The following DYM variants were observed in gnomAD, a reference collection of about 807,000 sequenced individuals.
The protein encoded by DYM is dymeclin, also known as dyggve-Melchior-Clausen syndrome protein.
DYM carries 78 observed loss-of-function variants against 93.1 expected under a neutral mutation model. The ratio of observed to expected loss-of-function variants is 0.84; its 90% CI spans 0.70 to 1.01. The LOEUF (loss-of-function observed/expected upper bound fraction) is 1.01. DYM is among the 50% of genes least tolerant of loss of function. DYM has a pLI of 0.00. For synonymous variants in DYM, 321 were observed against 319.7 expected (o/e 1.00, Z -0.04); for missense variants, 789 against 845.0 (o/e 0.93, Z 0.82).
chr18:49,375,250 T>A (rs1455034203), intron 5 of DYM, among the ~76,000 whole-genome samples: 1 of 147,674 alleles, frequency 6.8e-6, no homozygotes. Flanking sequence ...ACCTTGGGCT[T>A]TAGAAGAAAA....
chr18:49,080,922 C>G (rs946920061), intron 17 of DYM, among the ~76,000 whole-genome samples: 2 of 148,460 alleles, frequency 1.3e-5, no homozygotes, highest in Non-Finnish European at 1.5e-5. Flanking sequence ...CGAGCAGAGA[C>G]GCTCCTCACT....
At chr18:49,286,028 TTC>T (rs2059640561) in intron 9 of DYM, among the ~76,000 whole-genome samples, 1 of 152,194 alleles carries the variant, frequency 6.6e-6, no homozygotes, top group Non-Finnish European at 1.5e-5. Context: ...GAAAAAGGTT[TTC>T]TGATTTGTGT....
At chr18:49,155,826 CTT>C (rs1441408003) in intron 15 of DYM, among the ~76,000 whole-genome samples, 1 of 152,206 alleles carries the variant, frequency 6.6e-6, no homozygotes, top group Non-Finnish European at 1.5e-5. Context: ...CTGATGGACA[CTT>C]CAGTTGTTTC....
intron 15 of DYM, among the ~76,000 whole-genome samples, chr18:49,146,314 T>C (rs1410708036): frequency 6.6e-6 from 1 of 152,194 alleles, no homozygotes; most frequent in East Asian, 1.9e-4. Flanking sequence ...TCACCACTCC[T>C]ATTCAACACA....
chr18:49,166,582 T>C (rs2087902752), intron 14 of DYM, among the ~76,000 whole-genome samples: 1 of 151,514 alleles, frequency 6.6e-6, no homozygotes, highest in South Asian at 2.1e-4. Context: ...TTCGAGTATG[T>C]AAATTATTTT....
intron 14 of DYM, among the ~76,000 whole-genome samples, chr18:49,194,061 G>C (rs2091219867): frequency 6.6e-6 from 1 of 152,112 alleles, no homozygotes; most frequent in Non-Finnish European, 1.5e-5. Flanking sequence ...GCATGGAGTG[G>C]GTGGAATCAC....
chr18:49,269,439 C>T (rs2094634592), intron 11 of DYM, among the ~76,000 whole-genome samples: 1 of 152,176 alleles, frequency 6.6e-6, no homozygotes, highest in Non-Finnish European at 1.5e-5. Context: ...AGTGTATCAT[C>T]TCACAATTCC....
intron 9 of DYM, among the ~76,000 whole-genome samples, chr18:49,282,820 A>G (rs1245340437): frequency 6.6e-6 from 1 of 152,214 alleles, no homozygotes; most frequent in African/African-American, 2.4e-5. Context: ...TACCAAAACT[A>G]AATAACCATG....
intron 8 of DYM, among the ~76,000 whole-genome samples, chr18:49,296,070 T>C (rs1192746896): frequency 2.6e-5 from 4 of 152,080 alleles, no homozygotes; most frequent in African/African-American, 9.7e-5. Flanking sequence ...TAGTAGTGGG[T>C]GGCAGGTGCC....
intron 15 of DYM, among the ~76,000 whole-genome samples, chr18:49,142,725 A>C (rs1311519565): frequency 6.6e-6 from 1 of 152,148 alleles, no homozygotes; most frequent in Non-Finnish European, 1.5e-5. Flanking sequence ...TTTTGGTATA[A>C]AATTTTCAAG....
At chr18:49,322,574 C>T (rs2062572381) in intron 8 of DYM, among the ~76,000 whole-genome samples, 1 of 151,868 alleles carries the variant, frequency 6.6e-6, no homozygotes. Flanking sequence ...TTTCTTTCAT[C>T]ATCTACCTGA....
chr18:49,436,886 CTT>C (rs954738290), intron 1 of DYM, among the ~76,000 whole-genome samples: 5 of 152,210 alleles, frequency 3.3e-5, no homozygotes, highest in Non-Finnish European at 4.4e-5. Flanking sequence ...CAGTATCTTA[CTT>C]TTTTTGTGTG....
chr18:49,379,908 A>C (rs1404655076), intron 3 of DYM, 150 bp from the exon 4 acceptor site: 1 of 658,438 alleles, frequency 1.5e-6, no homozygotes, highest in Non-Finnish European at 2.7e-6. Flanking sequence ...AGAACTAAGC[A>C]ATGAGAGAAA....
At chr18:49,356,072 T>A (rs1312108339) in intron 6 of DYM, among the ~76,000 whole-genome samples, 1 of 152,132 alleles carries the variant, frequency 6.6e-6, no homozygotes, top group Non-Finnish European at 1.5e-5. Flanking sequence ...CAGAAAATAT[T>A]CAAATGTAAT....
intron 8 of DYM, among the ~76,000 whole-genome samples, chr18:49,287,799 C>T (rs970547518): frequency 3.1e-5 from 4 of 128,094 alleles, no homozygotes; most frequent in Non-Finnish European, 4.6e-5. Context: ...GAGCTGAGAT[C>T]GCGCCACAAC....
intron 16 of DYM, among the ~76,000 whole-genome samples, chr18:49,106,458 T>C (rs938484531): frequency 3.9e-5 from 6 of 152,260 alleles, no homozygotes; most frequent in East Asian, 3.9e-4. Context: ...ATGATGTTAG[T>C]TGGTTATTTT....
At chr18:49,280,438 G>A (rs1308131483) in intron 10 of DYM, among the ~76,000 whole-genome samples, 5 of 152,114 alleles carry the variant, frequency 3.3e-5, no homozygotes, top group Non-Finnish European at 7.3e-5. Flanking sequence ...TTCTCATCAG[G>A]AATATTCTGC....
chr18:49,101,544 G>A (rs1306042385), intron 16 of DYM, among the ~76,000 whole-genome samples: 1 of 152,134 alleles, frequency 6.6e-6, no homozygotes, highest in Non-Finnish European at 1.5e-5. Flanking sequence ...CTTTTCTGGA[G>A]TAGAGGAGAA....
chr18:49,126,433 G>A lies in DYM; in HGVS notation c.1729-7507C>T, dbSNP rs115626461. ...CTTCAACTTGCTACTATGATTAGAT[G>A]TCTGGTTCAGACATCCTTGGTAATA... On this transcript the variant is annotated intron_variant, in intron 15 of 17. Transcript: ENST00000675505. 2.6e-3 allele frequency: 398 copies of A among 152,262 alleles called. 2 individuals carry two copies. The highest frequency in any genetic ancestry group is 9.1e-3 in the African/African-American group (376 of 41,532). The allele number at this position is 152,262 out of a possible 1,614,324, so 9.4% of individuals were successfully genotyped here.
Sources: allele counts gnomAD v4.1 joint callset (sites outside exome capture counted in the v4.1 genomes callset), GRCh38; gene constraint gnomAD v4.1.1; transcripts MANE v1.5; gene names NCBI Gene and HGNC (gene_info 2026-07-23, HGNC 2026-07-21).